Variants in LMNA observed in about 807,000 individuals in gnomAD.
The protein encoded by LMNA is lamin.
LMNA carries 20 observed loss-of-function variants against 70.4 expected under a neutral mutation model. The ratio of observed to expected loss-of-function variants is 0.28; its 90% CI spans 0.20 to 0.41. The LOEUF is 0.41. Among genes scored for constraint, LMNA ranks in the 10% least tolerant of loss-of-function variants. The probability of loss-of-function intolerance (pLI) is 1.00; values close to 1 mark genes in which losing one functional copy is unlikely to be tolerated. For synonymous variants in LMNA, 339 were observed against 372.8 expected, an observed-to-expected ratio of 0.91 and a Z score of 1.04; for missense variants, 652 against 917.2, an observed-to-expected ratio of 0.71 and a Z score of 3.73.
Position 156,115,677 on chromosome 1 carries a change from G to T in LMNA, c.356+403G>T, listed in dbSNP as rs548404345. Among the ~76,000 whole-genome samples the T allele has an allele frequency of 2.6e-5, 4 of 152,320 alleles. No homozygotes were observed. In the South Asian group the frequency reaches 8.3e-4, roughly 32 times the overall value. ...CAGGACACATCGGAGTGGCAGAAAG[G>T]GTCCTGTTAGAACTTTGTTAGCGGG... On this transcript the variant is annotated intron_variant, in intron 1 of 11. Transcript: ENST00000368300. This position sits in a 1 kb window ranked among gnomAD's most constrained non-coding sequence, Gnocchi z 5.8.
Position 156,137,556 on chromosome 1 carries a change from C to T in LMNA, c.1609-98C>T, listed in dbSNP as rs1651767760. On this transcript the variant is annotated intron_variant, in intron 9 of 11. Transcript: ENST00000368300. This position sits in a 1 kb window ranked among gnomAD's most constrained non-coding sequence, Gnocchi z 4.6. ...AGTAAGCAGCAGGCCGGACAAAGGG[C>T]AGGCCACAAGAAAAGTTGCAGGTGG... 1 of 1,125,322 alleles carries T rather than the reference C, an allele frequency of 8.9e-7. No individual in the cohort carries two copies. The highest frequency in any genetic ancestry group is 1.3e-6 in the Non-Finnish European group (1 of 766,600). The allele number at this position is 1,125,322 out of a possible 1,614,324, so 69.7% of individuals were successfully genotyped here. A position where few individuals can be genotyped will look rare whatever the true frequency, so the allele number is the denominator to read the frequency against.
Position 156,135,398 on chromosome 1 carries a change from GGGGT to G in LMNA, c.936+90_936+93del. 1.4e-6 allele frequency: 2 copies of G among 1,457,974 alleles called. No homozygotes were observed. The highest frequency in any genetic ancestry group is 1.9e-6 in the Non-Finnish European group (2 of 1,070,156). 90.3% of individuals were successfully genotyped at this position (1,457,974 alleles called of 1,614,324 possible). A position where few individuals can be genotyped will look rare whatever the true frequency, so the allele number is the denominator to read the frequency against. The stretch of plus-strand genomic sequence containing the variant: ...AAGCCCAGGGTTGGGGGTGGGGGTG[GGGGT>G]GGGAGGTTCCTGAGGAGGAGAGGGA... On this transcript the variant is annotated intron_variant, in intron 5 of 11. Coordinates refer to ENST00000368300, the MANE Select transcript of LMNA (RefSeq NM_170707.4). This position sits in a 1 kb window ranked among gnomAD's most constrained non-coding sequence, Gnocchi z 4.8.
At chr1:156,100,562 G>C (rs370888532) in intron 3 of LMNA, among the ~76,000 whole-genome samples, 2 of 152,090 alleles carry the variant, frequency 1.3e-5, no homozygotes, top group African/African-American at 4.8e-5. Flanking sequence ...CTAGGTTGGA[G>C]GGAGGCCTGG....
intron 3 of LMNA, among the ~76,000 whole-genome samples, chr1:156,099,867 C>CAAAAAAAA: frequency 1.0e-5 from 1 of 100,266 alleles, no homozygotes; most frequent in Non-Finnish European, 2.2e-5. Context: ...GCCTGGGTGA[C>CAAAAAAAA]AAAAAAAAAA....
At chr1:156,099,571 G>C (rs192042768) in intron 3 of LMNA, among the ~76,000 whole-genome samples, 1 of 152,198 alleles carries the variant, frequency 6.6e-6, no homozygotes, top group African/African-American at 2.4e-5. Flanking sequence ...AGGGACAATA[G>C]AGTAAGACAC....
intron 3 of LMNA, among the ~76,000 whole-genome samples, chr1:156,105,715 T>A (rs1198570488): frequency 1.3e-5 from 2 of 152,314 alleles, no homozygotes; most frequent in South Asian, 4.1e-4. Context: ...CATGATCCCA[T>A]GTCCATAACA....
At chr1:156,090,199 A>G (rs1488696235) in intron 2 of LMNA, among the ~76,000 whole-genome samples, 2 of 152,226 alleles carry the variant, frequency 1.3e-5, no homozygotes, top group Non-Finnish European at 2.9e-5. Context: ...AGCATACAGT[A>G]TAGAATTAGA....
In LMNA at chr1:156,139,038, G is replaced by C. The variant is rs1225557763; in HGVS notation, c.1969-42G>C. 1.9e-6 allele frequency: 3 copies of C among 1,609,264 alleles called. No individual in the cohort carries two copies. The East Asian group carries it at 6.7e-5, about 36-fold the overall frequency. ...CCAGGGGAGGGAGGGTCTGGGTCCA[G>C]GCCCTGCTGCTCACACCTCTCTCCT... On this transcript the variant is annotated intron_variant, in intron 11 of 11. Transcript: ENST00000368300.
intron 2 of LMNA, among the ~76,000 whole-genome samples, chr1:156,132,454 A>C (rs1035148199): frequency 2.6e-5 from 4 of 152,204 alleles, no homozygotes; most frequent in African/African-American, 9.6e-5. Flanking sequence ...TAGGCAACAG[A>C]GCGAGACTCC....
At chr1:156,126,019 A>T (rs1650543712) in intron 1 of LMNA, 2 of 317,824 alleles carry the variant, frequency 6.3e-6, no homozygotes, top group Non-Finnish European at 1.1e-5. Context: ...AAAATTAAAC[A>T]ATTAAAAATT....
At chr1:156,121,164 C>T (rs1558119752) in intron 1 of LMNA, among the ~76,000 whole-genome samples, 1 of 151,612 alleles carries the variant, frequency 6.6e-6, no homozygotes, top group Non-Finnish European at 1.5e-5. Context: ...ATCCTCCCAC[C>T]TCAGCCTCCC....
chr1:156,095,230 A>G (rs890179464), intron 3 of LMNA, among the ~76,000 whole-genome samples: 1 of 150,722 alleles, frequency 6.6e-6, no homozygotes, highest in Non-Finnish European at 1.5e-5. Context: ...CACCCGGCCA[A>G]CTCCCAGTGC....
chr1:156,133,190 A>G (rs548898269), intron 2 of LMNA, among the ~76,000 whole-genome samples: 67 of 152,018 alleles, frequency 4.4e-4, no homozygotes, highest in African/African-American at 1.5e-3. Flanking sequence ...CCTGGCTGCA[A>G]GAGATCTTCC....
In LMNA at chr1:156,139,518, G is replaced by A. The variant is rs1651935848; in HGVS notation, c.*412G>A. 1.5e-6 allele frequency: 2 copies of A among 1,349,930 alleles called. No homozygotes were observed. Among genetic ancestry groups the A allele is most frequent in the Admixed American group, 7.0e-5 (2 of 28,390 alleles). The allele number at this position is 1,349,930 out of a possible 1,614,324, so 83.6% of individuals were successfully genotyped here. On this transcript the variant is annotated 3_prime_UTR_variant, in exon 12 of 12. Transcript: ENST00000368300. ...GGACCCTGTGACATGGTGCCTGAGA[G>A]GCAGGCATAGAGGCTTCTCCGCCAG... is the stretch of plus-strand genomic sequence containing the variant.
chr1:156,117,029 T>A (rs539673373), intron 1 of LMNA, among the ~76,000 whole-genome samples: 21 of 150,042 alleles, frequency 1.4e-4, no homozygotes, highest in Non-Finnish European at 2.7e-4. Flanking sequence ...TTCTCCTGCC[T>A]CAGCCTCCTG....
At chr1:156,116,183 T>C (rs1649814923) in intron 1 of LMNA, among the ~76,000 whole-genome samples, 1 of 152,172 alleles carries the variant, frequency 6.6e-6, no homozygotes, top group African/African-American at 2.4e-5. Context: ...GCCACTTTCA[T>C]TTTCCCAGCG....
rs1359311125 is a variant in LMNA, at chr1:156,115,381, A to ACTTTGC, written c.356+109_356+114dup. The ACTTTGC allele has an allele frequency of 9.9e-7, 1 of 1,011,888 alleles. No individual in the cohort carries two copies. Among genetic ancestry groups the ACTTTGC allele is most frequent in the Non-Finnish European group, 1.5e-6 (1 of 670,870 alleles). 62.7% of individuals were successfully genotyped at this position (1,011,888 alleles called of 1,614,324 possible). A position where few individuals can be genotyped will look rare whatever the true frequency, so the allele number is the denominator to read the frequency against. On this transcript the variant is annotated intron_variant, in intron 1 of 11. Transcript: ENST00000368300. This position sits in a 1 kb window ranked among gnomAD's most constrained non-coding sequence, Gnocchi z 5.8. The stretch of plus-strand genomic sequence containing the variant: ...GAGTGAGAGGGCCTGGAGGCCGATA[A>ACTTTGC]CTTTGCCATAGTCTCCTCCCTCCCC...
chr1:156,109,157 A>C (rs1649448502), intron 3 of LMNA, among the ~76,000 whole-genome samples: 1 of 151,588 alleles, frequency 6.6e-6, no homozygotes, highest in Non-Finnish European at 1.5e-5. Context: ...AGTGCCTAAT[A>C]ATAAAGGTAG....
In LMNA at chr1:156,139,718, G is replaced by C; in HGVS notation, c.*612G>C. ...CCACCCCTGCCCCCAGCCCCGGGGTGAGTCCATTCTCCCAGGTACCAGCTG... is the reference window on the plus strand; with the variant it reads ...CCACCCCTGCCCCCAGCCCCGGGGTCAGTCCATTCTCCCAGGTACCAGCTG... On this transcript the variant is annotated 3_prime_UTR_variant, in exon 12 of 12. Transcript: ENST00000368300. 6.5e-7 allele frequency: 1 copy of C among 1,530,540 alleles called. No individual in the cohort carries two copies. Among genetic ancestry groups the C allele is most frequent in the African/African-American group, 1.4e-5 (1 of 72,952 alleles). 94.8% of individuals were successfully genotyped at this position (1,530,540 alleles called of 1,614,324 possible).
Sources: gnomAD v4.1 joint callset for allele counts (sites outside exome capture counted in the v4.1 genomes callset) on GRCh38, gnomAD v4.1.1 for gene constraint, Gnocchi (gnomAD v3.1) non-coding constraint, MANE v1.5 for transcripts, NCBI Gene and HGNC (gene_info 2026-07-23, HGNC 2026-07-21) for gene names.